AFG1L: variants seen among roughly 807,000 people sequenced by gnomAD.
The protein encoded by AFG1L is AFG1-like ATPase.
AFG1L carries 53 observed loss-of-function variants against 62.2 expected under a neutral mutation model. That is an observed-to-expected ratio of 0.85 (90% CI 0.68 to 1.07). The LOEUF is 1.07. AFG1L is among the 50% of genes least tolerant of loss of function. AFG1L has a pLI of 0.00. For missense variants in AFG1L, 555 were observed against 590.5 expected, an observed-to-expected ratio of 0.94 and a Z score of 0.62; for synonymous variants, 228 against 210.3, an observed-to-expected ratio of 1.08 and a Z score of -0.73.
rs906068324 is a variant in AFG1L at position 108,501,092 on chromosome 6, C to A, written c.1063-9120C>A. 1.1e-4 allele frequency among the ~76,000 whole-genome samples: 16 copies of A among 152,032 alleles called. 1 individual carries two copies. Among genetic ancestry groups the A allele is most frequent in the Non-Finnish European group, 2.2e-4 (15 of 68,016 alleles). On this transcript the variant is annotated intron_variant, in intron 10 of 12. Coordinates refer to ENST00000368977, the MANE Select transcript of AFG1L (RefSeq NM_145315.5). ...CACCGCAACCTCTGCCTCCTGGGTTCAAGCAATTCTCCTACCTCAGCCTCC... is the reference window on the plus strand; with the variant it reads ...CACCGCAACCTCTGCCTCCTGGGTTAAAGCAATTCTCCTACCTCAGCCTCC...
chr6:108,477,314 G>GAC (rs1281039107), intron 10 of AFG1L, 22 bp downstream of exon 10: 3 of 1,437,770 alleles, frequency 2.1e-6, no homozygotes, highest in Middle Eastern at 1.8e-4. Context: ...GGCACGTCCA[G>GAC]ACTCACTGGC....
intron 7 of AFG1L, among the ~76,000 whole-genome samples, chr6:108,415,913 G>T (rs1283500491): frequency 6.6e-6 from 1 of 152,170 alleles, no homozygotes; most frequent in Admixed American, 6.6e-5. Flanking sequence ...AGCCAAAATT[G>T]ACAAATGGGA....
intron 7 of AFG1L, among the ~76,000 whole-genome samples, chr6:108,405,442 G>A (rs1781808620): frequency 6.6e-6 from 1 of 152,086 alleles, no homozygotes; most frequent in South Asian, 2.1e-4. Flanking sequence ...ACCTCCCCAG[G>A]CTCAGGTGAT....
chr6:108,303,810 C>T (rs1004516289), intron 1 of AFG1L, among the ~76,000 whole-genome samples: 3 of 152,048 alleles, frequency 2.0e-5, no homozygotes, highest in Non-Finnish European at 4.4e-5. Context: ...TTTAAACTAA[C>T]ATAACAAATG....
chr6:108,368,977 A>G (rs1779874469), intron 6 of AFG1L, among the ~76,000 whole-genome samples: 1 of 152,212 alleles, frequency 6.6e-6, no homozygotes, highest in Non-Finnish European at 1.5e-5. Flanking sequence ...AAACTTAGAG[A>G]AAGCCTTTTC....
chr6:108,496,857 CAT>C (rs1241921441), intron 10 of AFG1L, among the ~76,000 whole-genome samples: 1 of 152,298 alleles, frequency 6.6e-6, no homozygotes, highest in South Asian at 2.1e-4. Context: ...GCAAAACAAA[CAT>C]ATAATTTTGC....
chr6:108,348,551 C>T (rs147635159), intron 3 of AFG1L, among the ~76,000 whole-genome samples: 241 of 152,244 alleles, frequency 1.6e-3, no homozygotes, highest in African/African-American at 4.8e-3. Flanking sequence ...AGAGATTGCC[C>T]CTTAAAATTC....
At chr6:108,306,462 G>A (rs542623157) in intron 1 of AFG1L, among the ~76,000 whole-genome samples, 6 of 152,124 alleles carry the variant, frequency 3.9e-5, no homozygotes, top group South Asian at 4.1e-4. Flanking sequence ...ATGTGTGACC[G>A]CTCTTTTAAC....
At chr6:108,349,298 A>C (rs911808430) in intron 3 of AFG1L, among the ~76,000 whole-genome samples, 3 of 152,096 alleles carry the variant, frequency 2.0e-5, no homozygotes, top group African/African-American at 7.2e-5. Context: ...AGCCTGGGCA[A>C]CATGGCAAAA....
At chr6:108,468,700 A>C (rs539592839) in intron 8 of AFG1L, among the ~76,000 whole-genome samples, 1 of 150,848 alleles carries the variant, frequency 6.6e-6, no homozygotes, top group East Asian at 1.9e-4. Context: ...AACTTTGTGA[A>C]TTGAACTGAA....
Position 108,297,168 on chromosome 6 carries a change from A to T in AFG1L, c.139+1950A>T, listed in dbSNP as rs567942027. Among the ~76,000 whole-genome samples the T allele has an allele frequency of 2.4e-4, 36 of 152,196 alleles. 1 individual carries two copies. The South Asian group carries it at 3.1e-3, about 13-fold the overall frequency. On this transcript the variant is annotated intron_variant, in intron 1 of 12. Transcript: ENST00000368977. ...GTCTCCCAGACTGGAGTGCAATGGT[A>T]CAATCTCGGCTCACTGCAACCTCCA... is the stretch of plus-strand genomic sequence containing the variant.
chr6:108,301,185 G>A (rs1315680601), intron 1 of AFG1L, among the ~76,000 whole-genome samples: 1 of 152,076 alleles, frequency 6.6e-6, no homozygotes, highest in East Asian at 1.9e-4. Context: ...TCTTGGTTTT[G>A]CCTGGCTTCT....
chr6:108,406,746 T>C (rs2114646022), intron 7 of AFG1L, among the ~76,000 whole-genome samples: 1 of 152,328 alleles, frequency 6.6e-6, no homozygotes, highest in East Asian at 1.9e-4. Flanking sequence ...CCTTATCTTC[T>C]CTTTTTTCAA....
At chr6:108,357,365 G>A (rs906575673) in intron 5 of AFG1L, among the ~76,000 whole-genome samples, 1 of 152,130 alleles carries the variant, frequency 6.6e-6, no homozygotes, top group African/African-American at 2.4e-5. Context: ...ACAGGCATGA[G>A]CCATGACACC....
intron 1 of AFG1L, among the ~76,000 whole-genome samples, chr6:108,297,625 G>A (rs1362923036): frequency 6.6e-6 from 1 of 151,688 alleles, no homozygotes; most frequent in African/African-American, 2.4e-5. Context: ...AAGCCTGAGG[G>A]AGTAGGATCA....
At chr6:108,454,294 G>C (rs1304149055) in intron 8 of AFG1L, among the ~76,000 whole-genome samples, 16 of 152,184 alleles carry the variant, frequency 1.1e-4, no homozygotes, top group Non-Finnish European at 2.2e-4. Flanking sequence ...AGCAGTCAAG[G>C]TTGCAGAAAT....
At chr6:108,377,431 C>T (rs771572708) in intron 6 of AFG1L, among the ~76,000 whole-genome samples, 44 of 152,154 alleles carry the variant, frequency 2.9e-4, no homozygotes, top group Admixed American at 1.5e-3. Flanking sequence ...TATTGTAAGG[C>T]TGCTCTAGTG....
chr6:108,450,169 G>C (rs376855200), intron 8 of AFG1L, among the ~76,000 whole-genome samples: 1 of 152,172 alleles, frequency 6.6e-6, no homozygotes, highest in Non-Finnish European at 1.5e-5. Flanking sequence ...TCCCTGAGGA[G>C]TCGCCACACT....
At chr6:108,356,562 A>G in intron 4 of AFG1L, 128 bp from the exon 5 acceptor site, 1 of 551,532 alleles carries the variant, frequency 1.8e-6, no homozygotes, top group Non-Finnish European at 3.0e-6. Flanking sequence ...ATCAAATTTG[A>G]TTTTACATGG....
Sources: allele counts gnomAD v4.1 joint callset (sites outside exome capture counted in the v4.1 genomes callset), GRCh38; gene constraint gnomAD v4.1.1; transcripts MANE v1.5; gene names NCBI Gene and HGNC (gene_info 2026-07-23, HGNC 2026-07-21).